Variants in FLYWCH1 observed in about 807,000 individuals in gnomAD.
The protein encoded by FLYWCH1 is FLYWCH-type zinc finger 1, also known as FLYWCH-type zinc finger-containing protein 1.
A neutral mutation model predicts 66.4 loss-of-function variants in FLYWCH1; 75 were observed. That is an observed-to-expected ratio of 1.13 (90% confidence interval 0.94 to 1.37). FLYWCH1 has a LOEUF of 1.37. Ranked by LOEUF, FLYWCH1 falls within the 40% of genes most tolerant of loss-of-function variation. The pLI is 0.00. For missense variants in FLYWCH1, 1,334 were observed against 1,001.8 expected, an observed-to-expected ratio of 1.33 and a Z score of -4.48; for synonymous variants, 595 against 429.9, an observed-to-expected ratio of 1.38 and a Z score of -4.75.
At chr16:2,927,645 C>T (rs1006498047) in intron 2 of FLYWCH1, among the ~76,000 whole-genome samples, 1 of 152,122 alleles carries the variant, frequency 6.6e-6, no homozygotes, top group Non-Finnish European at 1.5e-5. Flanking sequence ...CCAAATTGGT[C>T]GTCTAAAAAA....
Position 2,937,331 on chromosome 16 carries a change from A to T in FLYWCH1, c.1724A>T (p.Glu575Val). Residue 575 changes from glutamate to valine, a missense_variant, in exon 7 of 10, where the codon GAG becomes GTG. Physicochemically the swap from Glu to Val is moderately radical, Grantham distance 121. Transcript: ENST00000253928. ...CACCCACCGGACCTGGGCGGCCTGGAGGCCCTGCGGCAGCGGGAGCACTTC... is the reference window on the plus strand; with the variant it reads ...CACCCACCGGACCTGGGCGGCCTGGTGGCCCTGCGGCAGCGGGAGCACTTC... ...HCHPPDLGGL[E>V]ALRQREHFPN... 1 of 1,599,972 alleles carries T rather than the reference A, an allele frequency of 6.3e-7. No homozygotes were observed.
chr16:2,936,549 A>C (rs1318749238), intron 6 of FLYWCH1: 19 of 417,738 alleles, frequency 4.5e-5, no homozygotes, highest in African/African-American at 3.3e-4. Flanking sequence ...CCACCTCCCC[A>C]CCTCTGTGGC....
In FLYWCH1 at chr16:2,930,262, C is replaced by T. The variant is rs115368024; in HGVS notation, c.326-148C>T. On this transcript the variant is annotated intron_variant, in intron 3 of 9. Transcript: ENST00000253928. ...TCCACTACCACCCCCAAAATAAAAA[C>T]CAGCCCTGAGAGTCTGGGCTTCTTG... 3.9e-3 allele frequency: 2,458 copies of T among 637,824 alleles called. 48 individuals carry two copies. Among genetic ancestry groups the T allele is most frequent in the South Asian group, 0.028 (1,305 of 46,420 alleles). The allele number at this position is 637,824 out of a possible 1,614,324, so 39.5% of individuals were successfully genotyped here.
At position 2,937,251 on chromosome 16, in the gene FLYWCH1, C is replaced by A; in HGVS notation, c.1644C>A (p.Cys548Ter). ...WTCRDQARMG[C>*]RSRAITQGRR... ...GCCGGGACCAGGCCCGCATGGGCTGCCGCAGCCGCGCCATCACCCAGGGCC... is the reference window on the plus strand; with the variant it reads ...GCCGGGACCAGGCCCGCATGGGCTGACGCAGCCGCGCCATCACCCAGGGCC... Residue 548 changes from cysteine to a stop codon, truncating the protein, a stop_gained, in exon 7 of 10, where the codon TGC becomes TGA. Coordinates refer to ENST00000253928, the MANE Select transcript of FLYWCH1 (RefSeq NM_001308068.2). LOFTEE classifies it high-confidence loss of function. 6.2e-7 allele frequency: 1 copy of A among 1,606,310 alleles called. No individual in the cohort carries two copies. Among genetic ancestry groups the A allele is most frequent in the Non-Finnish European group, 8.5e-7 (1 of 1,177,722 alleles).
At chr16:2,918,490 G>C (rs1211976844) in intron 2 of FLYWCH1, among the ~76,000 whole-genome samples, 1 of 150,528 alleles carries the variant, frequency 6.6e-6, no homozygotes, top group Non-Finnish European at 1.5e-5. Flanking sequence ...GCCCAGGCTG[G>C]AGTGCAATGG....
chr16:2,941,042 T>G (rs2071241962), intron 9 of FLYWCH1, among the ~76,000 whole-genome samples: 1 of 152,176 alleles, frequency 6.6e-6, no homozygotes, highest in Admixed American at 6.5e-5. Flanking sequence ...GAGGTTGCAG[T>G]GAGCCAAGAT....
Position 2,933,964 on chromosome 16 carries a change from C to T in FLYWCH1, c.1498C>T (p.Gln500Ter), listed in dbSNP as rs1297568493. Residue 500 changes from glutamine (Q) to a stop codon, truncating the protein, a stop_gained, in exon 6 of 10, where the codon CAG becomes TAG. Transcript: ENST00000253928. LOFTEE classifies it high-confidence loss of function. ...RQREKRPNTA[Q>*]RGSPGGPEFL... ...GCGGGAGAAACGCCCCAACACGGCGCAGCGGGGGAGCCCAGGTACCTGGGG... is the reference window on the plus strand; with the variant it reads ...GCGGGAGAAACGCCCCAACACGGCGTAGCGGGGGAGCCCAGGTACCTGGGG... 7.1e-6 allele frequency: 11 copies of T among 1,542,470 alleles called. No individual in the cohort carries two copies. The Admixed American group carries it at 7.9e-5, about 11-fold the overall frequency.
chr16:2,920,026 G>A (rs755333717), intron 2 of FLYWCH1, among the ~76,000 whole-genome samples: 76 of 152,284 alleles, frequency 5.0e-4, no homozygotes, highest in Non-Finnish European at 8.2e-4. Flanking sequence ...CTACAGAAAA[G>A]CAAGCGCCTT....
In FLYWCH1 at chr16:2,951,056, TCCTGCTTCCAGC is replaced by T. The variant is rs2071649408; in HGVS notation, c.*2335_*2346del. The T allele has an allele frequency of 6.6e-6, 1 of 152,312 alleles. No individual in the cohort carries two copies. Among genetic ancestry groups the T allele is most frequent in the South Asian group, 2.1e-4 (1 of 4,834 alleles). 9.4% of individuals were successfully genotyped at this position (152,312 alleles called of 1,614,324 possible). On this transcript the variant is annotated 3_prime_UTR_variant, in exon 10 of 10. Transcript: ENST00000253928. Reference sequence around the variant, plus strand: ...CCCGGCAGCAGCTCAGCGGGGCAGCTCCTGCTTCCAGCCCTGCCTCTGCTGGTGCTTCGCCCA... The same window carrying T: ...CCCGGCAGCAGCTCAGCGGGGCAGCTCCTGCCTCTGCTGGTGCTTCGCCCA...
intron 9 of FLYWCH1, among the ~76,000 whole-genome samples, chr16:2,943,918 C>A (rs1157873432): frequency 6.6e-6 from 1 of 151,844 alleles, no homozygotes; most frequent in Non-Finnish European, 1.5e-5. Flanking sequence ...GCCTGGGCAA[C>A]ATAGTGAGAT....
intron 2 of FLYWCH1, among the ~76,000 whole-genome samples, chr16:2,924,955 G>A (rs1327954551): frequency 6.6e-6 from 1 of 152,322 alleles, no homozygotes; most frequent in African/African-American, 2.4e-5. Context: ...CTGTGACTCG[G>A]GTACAGCTCC....
intron 2 of FLYWCH1, among the ~76,000 whole-genome samples, chr16:2,926,200 C>T (rs925814213): frequency 1.3e-5 from 2 of 152,156 alleles, no homozygotes; most frequent in African/African-American, 4.8e-5. Flanking sequence ...CTATTTCAAA[C>T]AATAGAACAA....
intron 9 of FLYWCH1, among the ~76,000 whole-genome samples, chr16:2,945,822 C>A (rs922359691): frequency 9.2e-5 from 14 of 152,006 alleles, no homozygotes; most frequent in African/African-American, 2.9e-4. Context: ...ATGGTGAAAT[C>A]CCATCTCTAC....
In FLYWCH1 at chr16:2,933,375, G is replaced by A. The variant is rs551653171; in HGVS notation, c.1042G>A (p.Val348Met). ...AGCCCGGCGGCAGCAGGAGAAGGCC[G>A]TGGAGACGCTGCAGGCTGGGCAGGA... is the stretch of plus-strand genomic sequence containing the variant. ...LEARRQQEKA[V>M]ETLQAGQDGP... The change falls in exon 5 of 10, where the codon GTG becomes ATG. Residue 348 changes from valine (V) to methionine (M), a missense_variant. Physicochemically the swap from Val to Met is conservative, Grantham distance 21. Coordinates refer to ENST00000253928, the MANE Select transcript of FLYWCH1 (RefSeq NM_001308068.2). 46 of 1,602,636 alleles carry A rather than the reference G, an allele frequency of 2.9e-5. No individual in the cohort carries two copies. Among genetic ancestry groups the A allele is most frequent in the Admixed American group, 1.0e-4 (6 of 58,020 alleles).
Position 2,937,393 on chromosome 16 carries a change from G to A in FLYWCH1, c.1777+9G>A. 6.5e-7 allele frequency: 1 copy of A among 1,537,906 alleles called. No homozygotes were observed. The highest frequency in any genetic ancestry group is 8.7e-7 in the Non-Finnish European group (1 of 1,145,116). On this transcript the variant is annotated intron_variant, in intron 7 of 9. Coordinates refer to ENST00000253928, the MANE Select transcript of FLYWCH1 (RefSeq NM_001308068.2). ...GCAGTGGGACAGCCCAGGTGCGTGT[G>A]GAGGGTGCTGGGCTGGGTCTGCCTG...
At chr16:2,948,642 A>AC in intron 9 of FLYWCH1, 46 bp from the exon 10 acceptor site, 1 of 1,592,360 alleles carries the variant, frequency 6.3e-7, no homozygotes, top group Non-Finnish European at 8.6e-7. Flanking sequence ...ATCTATTTCC[A>AC]CCATGTTTTG....
rs771053513 is a variant in FLYWCH1, at chr16:2,933,427, T to C, written c.1094T>C (p.Leu365Pro). The C allele has an allele frequency of 3.6e-5, 57 of 1,601,164 alleles. No individual in the cohort carries two copies. The highest frequency in any genetic ancestry group is 5.2e-5 in the Admixed American group (3 of 57,740). ...GGCCCTGGGAGCCAAGTGGACACGC[T>C]GCTCCGAGGCGTGGATAGTTTGCTC... ...QDGPGSQVDT[L>P]LRGVDSLLYR... The change falls in exon 5 of 10, where the codon CTG becomes CCG. Residue 365 changes from leucine (L) to proline (P), a missense_variant. Coordinates refer to ENST00000253928, the MANE Select transcript of FLYWCH1 (RefSeq NM_001308068.2).
intron 2 of FLYWCH1, among the ~76,000 whole-genome samples, chr16:2,923,763 C>T (rs942173517): frequency 3.9e-5 from 6 of 152,140 alleles, no homozygotes; most frequent in African/African-American, 4.8e-5. Flanking sequence ...ATCGGCCCGG[C>T]GTAGTGGCTC....
At chr16:2,931,564 C>T (rs575550493) in intron 4 of FLYWCH1, among the ~76,000 whole-genome samples, 6 of 151,880 alleles carry the variant, frequency 4.0e-5, no homozygotes, top group East Asian at 3.9e-4. Flanking sequence ...TGCAGTGAGC[C>T]GGGATCACGC....
Sources: allele counts gnomAD v4.1 joint callset (sites outside exome capture counted in the v4.1 genomes callset), GRCh38; gene constraint gnomAD v4.1.1; transcripts MANE v1.5; gene names NCBI Gene and HGNC (gene_info 2026-07-23, HGNC 2026-07-21).